Variants in MAF observed in about 807,000 individuals in gnomAD.
MAF encodes the protein MAF bZIP transcription factor.
In MAF, 10 loss-of-function variants were observed where a neutral mutation model predicts 22.0. That is an observed-to-expected ratio of 0.45 (90% CI 0.28 to 0.77). The LOEUF (loss-of-function observed/expected upper bound fraction) is 0.77, where lower values mean the gene tolerates loss of function less well. Ranked by LOEUF, MAF falls within the 30% of genes least tolerant of loss-of-function variation. The probability of loss-of-function intolerance (pLI) is 0.12; values close to 1 mark genes in which losing one functional copy is unlikely to be tolerated. For synonymous variants in MAF, 337 were observed against 255.8 expected (o/e 1.32, Z -3.03); for missense variants, 544 against 548.4 (o/e 0.99, Z 0.08).
the MAF span, among the ~76,000 whole-genome samples, chr16:79,468,841 G>A: frequency 3.3e-5 from 5 of 152,292 alleles, no homozygotes; most frequent in African/African-American, 1.2e-4. Context: ...CTTGTCCTTG[G>A]TCAGGAAGGC....
chr16:79,236,101 G>A, the MAF span, among the ~76,000 whole-genome samples: 1 of 152,052 alleles, frequency 6.6e-6, no homozygotes, highest in East Asian at 1.9e-4. Context: ...TGGGCCTCTG[G>A]AGTGGGCTTC....
chr16:79,486,291 A>T, the MAF span, among the ~76,000 whole-genome samples: 6 of 152,236 alleles, frequency 3.9e-5, no homozygotes. Flanking sequence ...ATTTATGTAA[A>T]ATAAAGAAAA....
the MAF span, among the ~76,000 whole-genome samples, chr16:79,470,481 A>G: frequency 1.3e-5 from 2 of 152,238 alleles, no homozygotes; most frequent in Non-Finnish European, 2.9e-5. Flanking sequence ...GCCATGTACC[A>G]GCCCCCACCA....
chr16:79,406,821 G>T, the MAF span, among the ~76,000 whole-genome samples: 28 of 152,252 alleles, frequency 1.8e-4, no homozygotes, highest in African/African-American at 5.5e-4. Flanking sequence ...TGCCCAAGAA[G>T]GGCAGAGCCG....
chr16:79,524,579 T>C, the MAF span, among the ~76,000 whole-genome samples: 12 of 152,240 alleles, frequency 7.9e-5, no homozygotes, highest in African/African-American at 2.4e-4. Flanking sequence ...TCCTCCATCA[T>C]TGCACTTGGT....
At chr16:79,546,837 T>C in the MAF span, among the ~76,000 whole-genome samples, 5,266 of 152,254 alleles carry the variant, frequency 0.035, 322 homozygotes, top group African/African-American at 0.12. Context: ...AATATAATTA[T>C]TGGAAATTAC....
At chr16:79,316,084 A>G in the MAF span, among the ~76,000 whole-genome samples, 1 of 152,184 alleles carries the variant, frequency 6.6e-6, no homozygotes, top group Non-Finnish European at 1.5e-5. Context: ...TAACCTTATT[A>G]TGCAAAGCAT....
chr16:79,221,046 CTT>C, the MAF span, among the ~76,000 whole-genome samples: 1 of 152,248 alleles, frequency 6.6e-6, no homozygotes, highest in Non-Finnish European at 1.5e-5. Flanking sequence ...ACAAGCTAAA[CTT>C]TGGGTCAGCT....
chr16:79,544,772 C>CA, the MAF span, among the ~76,000 whole-genome samples: 22,670 of 113,508 alleles, frequency 0.2, 2,365 homozygotes, highest in African/African-American at 0.29. Flanking sequence ...GGCTCTGTCT[C>CA]AAAAAAAAAA....
chr16:79,307,809 A>C, the MAF span, among the ~76,000 whole-genome samples: 9 of 152,352 alleles, frequency 5.9e-5, no homozygotes, highest in South Asian at 1.0e-3. Context: ...CTAGAATGAC[A>C]GTCACTGTGG....
chr16:79,351,509 C>T, the MAF span, among the ~76,000 whole-genome samples: 1 of 152,144 alleles, frequency 6.6e-6, no homozygotes, highest in South Asian at 2.1e-4. Flanking sequence ...ATAACTGTGA[C>T]TTTAAATGCT....
chr16:79,491,391 T>G, the MAF span, among the ~76,000 whole-genome samples: 89 of 152,204 alleles, frequency 5.8e-4, no homozygotes, highest in Non-Finnish European at 1.2e-3. Context: ...TCTTCTCCTG[T>G]GGCATCTGAT....
At chr16:79,542,944 T>C in the MAF span, among the ~76,000 whole-genome samples, 2 of 152,210 alleles carry the variant, frequency 1.3e-5, no homozygotes, top group African/African-American at 4.8e-5. Flanking sequence ...ATTATCCCAT[T>C]GTGTGACCTT....
chr16:79,273,894 C>G, the MAF span, among the ~76,000 whole-genome samples: 1 of 150,138 alleles, frequency 6.7e-6, no homozygotes, highest in Non-Finnish European at 1.5e-5. Flanking sequence ...AGTATTCTGT[C>G]TGCCATAGCT....
the MAF span, among the ~76,000 whole-genome samples, chr16:79,543,726 G>T: frequency 7.3e-6 from 1 of 137,642 alleles, no homozygotes; most frequent in East Asian, 2.1e-4. Context: ...TCGCTCTGTC[G>T]CCCAGGCTGG....
At chr16:79,280,500 C>G in the MAF span, among the ~76,000 whole-genome samples, 6 of 152,230 alleles carry the variant, frequency 3.9e-5, no homozygotes, top group African/African-American at 1.4e-4. Context: ...TATGCACAGG[C>G]CAGCTTGGGG....
At chr16:79,292,322 G>C in the MAF span, among the ~76,000 whole-genome samples, 1 of 152,206 alleles carries the variant, frequency 6.6e-6, no homozygotes, top group African/African-American at 2.4e-5. Flanking sequence ...TAGAAGCAGA[G>C]ATTGGGGTGA....
At chr16:79,458,109 AGTGTGTGTGTGTGTGT>A in the MAF span, among the ~76,000 whole-genome samples, 2 of 136,328 alleles carry the variant, frequency 1.5e-5, no homozygotes, top group Non-Finnish European at 3.2e-5. Context: ...GGTATGTATA[AGTGTGTGTGTGTGTGT>A]GTGTGTGTGT....
At chr16:79,522,689 A>G in the MAF span, among the ~76,000 whole-genome samples, 3 of 152,220 alleles carry the variant, frequency 2.0e-5, no homozygotes, top group African/African-American at 7.2e-5. Context: ...CTGGGAGTAC[A>G]GAGAAGCCCA....
Sources: gnomAD v4.1 joint callset for allele counts (sites outside exome capture counted in the v4.1 genomes callset) on GRCh38, gnomAD v4.1.1 for gene constraint, MANE v1.5 for transcripts, NCBI Gene and HGNC (gene_info 2026-07-23, HGNC 2026-07-21) for gene names.